LMBR1: variants seen among roughly 807,000 people sequenced by gnomAD.
The protein encoded by LMBR1 is limb development membrane protein 1.
LMBR1 carries 52 observed loss-of-function variants against 73.9 expected under a neutral mutation model. The ratio of observed to expected loss-of-function variants is 0.70; its 90% CI spans 0.56 to 0.89. The LOEUF (loss-of-function observed/expected upper bound fraction) is 0.89, where lower values mean the gene tolerates loss of function less well. Among genes scored for constraint, LMBR1 ranks in the 40% least tolerant of loss-of-function variants. The pLI is 0.00. For synonymous variants in LMBR1, 215 were observed against 209.4 expected, an observed-to-expected ratio of 1.03 and a Z score of -0.23; for missense variants, 539 against 579.8, an observed-to-expected ratio of 0.93 and a Z score of 0.72.
At chr7:156,703,677 G>A (rs1332364559) in intron 15 of LMBR1, among the ~76,000 whole-genome samples, 2 of 152,078 alleles carry the variant, frequency 1.3e-5, no homozygotes, top group Non-Finnish European at 2.9e-5. Flanking sequence ...TTTTCCCAGG[G>A]GCTTGGGGGC....
chr7:156,676,468 C>T (rs764645115), downstream of LMBR1: 36 of 1,614,098 alleles, frequency 2.2e-5, 2 homozygotes, highest in South Asian at 3.8e-4. Flanking sequence ...GCCCCTCTCT[C>T]CGCTGCTGGC....
intron 4 of LMBR1, among the ~76,000 whole-genome samples, chr7:156,808,645 C>T (rs1424510190): frequency 6.6e-6 from 1 of 152,142 alleles, no homozygotes; most frequent in Non-Finnish European, 1.5e-5. Context: ...CATGTGTTAG[C>T]TTCCCTTCTT....
intron 1 of LMBR1, among the ~76,000 whole-genome samples, chr7:156,839,311 A>G (rs1169758649): frequency 6.6e-6 from 1 of 152,090 alleles, no homozygotes; most frequent in Non-Finnish European, 1.5e-5. Context: ...AGCCTCCTAA[A>G]GTGCTGGGAT....
intron 15 of LMBR1, among the ~76,000 whole-genome samples, chr7:156,715,124 A>G (rs141883831): frequency 1.9e-3 from 288 of 151,760 alleles, no homozygotes; most frequent in African/African-American, 6.3e-3. Context: ...GCTAATTTTT[A>G]TATTTTTAGT....
chr7:156,727,658 A>T, intron 12 of LMBR1, among the ~76,000 whole-genome samples: 1 of 152,244 alleles, frequency 6.6e-6, no homozygotes, highest in Non-Finnish European at 1.5e-5. Context: ...TCATATAGCT[A>T]AATGAATTTC....
chr7:156,743,597 T>C (rs1404338910), intron 9 of LMBR1, among the ~76,000 whole-genome samples: 1 of 152,210 alleles, frequency 6.6e-6, no homozygotes, highest in African/African-American at 2.4e-5. Context: ...ACTGGTGCTC[T>C]TTCTCTTTTT....
chr7:156,806,180 T>TTA (rs1179292247), intron 4 of LMBR1, among the ~76,000 whole-genome samples: 1 of 119,286 alleles, frequency 8.4e-6, no homozygotes, highest in South Asian at 2.5e-4. Flanking sequence ...CAACAATGTC[T>TTA]TAGTTTATAG....
At chr7:156,866,318 A>T (rs996343685) in intron 1 of LMBR1, among the ~76,000 whole-genome samples, 3 of 152,174 alleles carry the variant, frequency 2.0e-5, no homozygotes, top group African/African-American at 7.2e-5. Context: ...ATATACAGAT[A>T]GGATGAAGTA....
intron 5 of LMBR1, among the ~76,000 whole-genome samples, chr7:156,790,964 T>C (rs1829115391): frequency 6.6e-6 from 1 of 152,178 alleles, no homozygotes; most frequent in African/African-American, 2.4e-5. Flanking sequence ...GAATAGAGTA[T>C]TTTCAAAATA....
intron 11 of LMBR1, 37 bp downstream of exon 11, chr7:156,728,607 A>G: frequency 7.0e-7 from 1 of 1,438,184 alleles, no homozygotes; most frequent in Non-Finnish European, 9.6e-7. Flanking sequence ...AATAAAATAT[A>G]ATTTGCTTTT....
In LMBR1 at chr7:156,685,234, C is replaced by T. The variant is rs1805748735; in HGVS notation, c.1388-1071G>A. On this transcript the variant is annotated intron_variant, in intron 16 of 16. Transcript: ENST00000353442. The surrounding 1 kb of genome is among the most constrained non-coding windows in gnomAD (Gnocchi z 4.1). Reference sequence around the variant, plus strand: ...TTACATAATATACCTGATACACAGACCAACATTGCCCTCTCACAGGGAGAA... The same window carrying T: ...TTACATAATATACCTGATACACAGATCAACATTGCCCTCTCACAGGGAGAA... Among the ~76,000 whole-genome samples the T allele has an allele frequency of 6.6e-6, 1 of 152,174 alleles. No homozygotes were observed. The highest frequency in any genetic ancestry group is 1.5e-5 in the Non-Finnish European group (1 of 68,026).
At chr7:156,751,586 G>A (rs892858125) in intron 9 of LMBR1, among the ~76,000 whole-genome samples, 40 of 152,180 alleles carry the variant, frequency 2.6e-4, no homozygotes, top group Non-Finnish European at 4.4e-4. Flanking sequence ...AGATACGCAC[G>A]GAAGCCATTA....
chr7:156,735,609 T>C (rs926109821), intron 9 of LMBR1, among the ~76,000 whole-genome samples: 3 of 150,750 alleles, frequency 2.0e-5, no homozygotes, highest in Admixed American at 1.3e-4. Context: ...TTCTGTTTGC[T>C]AGGGTTTTTT....
intron 5 of LMBR1, among the ~76,000 whole-genome samples, chr7:156,777,394 T>A (rs1389171560): frequency 6.6e-6 from 1 of 152,238 alleles, no homozygotes; most frequent in Non-Finnish European, 1.5e-5. Context: ...TAGCTACTGT[T>A]TCCATTTCTA....
rs1461522461 is a variant in LMBR1, at chr7:156,848,921, A to C, written c.67-12036T>G. Among the ~76,000 whole-genome samples the C allele has an allele frequency of 3.0e-5, 4 of 134,058 alleles. No homozygotes were observed. In the East Asian group the frequency reaches 7.3e-4, roughly 25 times the overall value. 87.9% of individuals were successfully genotyped at this position (134,058 alleles called of 152,430 possible). Reference sequence around the variant, plus strand: ...ACCGCAGCCTGGGCGACAAAGCAAGACTCTGTCTCAAAAAAAAAAAAAAAA... The same window carrying C: ...ACCGCAGCCTGGGCGACAAAGCAAGCCTCTGTCTCAAAAAAAAAAAAAAAA... On this transcript the variant is annotated intron_variant, in intron 1 of 16. Transcript: ENST00000353442.
chr7:156,681,273 C>T lies in LMBR1; in HGVS notation c.*2805G>A. ...GCCGCACTGCCGCTGAGAGCAGGTA[C>T]ACGTGCGCCTTTAACACATCTGAGA... On this transcript the variant is annotated 3_prime_UTR_variant, in exon 17 of 17. Transcript: ENST00000353442. The T allele has an allele frequency of 2.4e-6, 1 of 417,302 alleles. No individual in the cohort carries two copies. The highest frequency in any genetic ancestry group is 4.6e-6 in the Non-Finnish European group (1 of 215,632). The allele number at this position is 417,302 out of a possible 1,614,324, so 25.8% of individuals were successfully genotyped here.
At chr7:156,817,569 T>G (rs1459951753) in intron 4 of LMBR1, among the ~76,000 whole-genome samples, 2 of 152,024 alleles carry the variant, frequency 1.3e-5, no homozygotes, top group African/African-American at 4.8e-5. Context: ...AGAATTAGAA[T>G]AGCCTCTGCT....
intron 1 of LMBR1, among the ~76,000 whole-genome samples, chr7:156,848,544 C>T (rs2134046826): frequency 6.6e-6 from 1 of 152,202 alleles, no homozygotes. Context: ...GGTGAGGTTG[C>T]AGAGAAAAGG....
At chr7:156,826,551 T>C in intron 4 of LMBR1, 54 bp downstream of exon 4, 2 of 1,130,992 alleles carry the variant, frequency 1.8e-6, no homozygotes, top group South Asian at 2.9e-5. Context: ...AAAAATATGG[T>C]GCAGTAAAAA....
Sources: gnomAD v4.1 joint callset for allele counts (sites outside exome capture counted in the v4.1 genomes callset) on GRCh38, gnomAD v4.1.1 for gene constraint, Gnocchi (gnomAD v3.1) non-coding constraint, MANE v1.5 for transcripts, NCBI Gene and HGNC (gene_info 2026-07-23, HGNC 2026-07-21) for gene names.